DNER: variants seen among roughly 807,000 people sequenced by gnomAD.
DNER encodes the protein delta/notch like EGF repeat containing, also known as delta and Notch-like epidermal growth factor-related receptor.
A neutral mutation model predicts 78.2 loss-of-function variants in DNER; 33 were observed. That is an observed-to-expected ratio of 0.42 (90% CI 0.32 to 0.56). The LOEUF is 0.56. DNER is among the 20% of genes least tolerant of loss of function. The probability of loss-of-function intolerance (pLI) is 0.11; values close to 1 mark genes in which losing one functional copy is unlikely to be tolerated. For missense variants in DNER, 918 were observed against 975.3 expected (o/e 0.94, Z 0.78); for synonymous variants, 417 against 384.8 (o/e 1.08, Z -0.98).
Position 229,407,418 on chromosome 2 carries a change from C to T in DNER, c.1610-73G>A, listed in dbSNP as rs569475727. On this transcript the variant is annotated intron_variant, in intron 9 of 12. Coordinates refer to ENST00000341772, the MANE Select transcript of DNER (RefSeq NM_139072.4). Reference sequence around the variant, plus strand: ...CTCCCATGGCCTCTGAAAGCAAAGTCGGAACTCTCTGGAACAATGCGAGGG... The same window carrying T: ...CTCCCATGGCCTCTGAAAGCAAAGTTGGAACTCTCTGGAACAATGCGAGGG... 2.4e-5 allele frequency: 33 copies of T among 1,379,826 alleles called. 1 individual carries two copies. Among genetic ancestry groups the T allele is most frequent in the South Asian group, 2.0e-4 (17 of 83,710 alleles). The allele number at this position is 1,379,826 out of a possible 1,614,324, so 85.5% of individuals were successfully genotyped here. A position where few individuals can be genotyped will look rare whatever the true frequency, so the allele number is the denominator to read the frequency against.
chr2:229,570,818 G>A (rs1027959430), intron 4 of DNER, among the ~76,000 whole-genome samples: 2 of 152,102 alleles, frequency 1.3e-5, no homozygotes, highest in African/African-American at 4.8e-5. Context: ...GGCGTGGCCA[G>A]TGCAAAAGCC....
At chr2:229,672,591 G>A (rs1699228654) in intron 1 of DNER, among the ~76,000 whole-genome samples, 1 of 151,240 alleles carries the variant, frequency 6.6e-6, no homozygotes, top group Admixed American at 6.6e-5. Context: ...AGGAGAGAGA[G>A]AGGAAAAAGG....
At chr2:229,572,351 C>T (rs1048355899) in intron 4 of DNER, among the ~76,000 whole-genome samples, 3 of 152,168 alleles carry the variant, frequency 2.0e-5, no homozygotes, top group Admixed American at 6.5e-5. Flanking sequence ...CTTGATCTTC[C>T]GATTAATCTC....
rs574528618 is a variant in DNER at position 229,450,939 on chromosome 2, C to T, written c.1262-3399G>A. On this transcript the variant is annotated intron_variant, in intron 7 of 12. Transcript: ENST00000341772. ...TAGGGAGCATAAGGAGACAGGGAAGCGATAATTAGGATCTTGTGTTTGATT... is the reference window on the plus strand; with the variant it reads ...TAGGGAGCATAAGGAGACAGGGAAGTGATAATTAGGATCTTGTGTTTGATT... 4.6e-5 allele frequency among the ~76,000 whole-genome samples: 7 copies of T among 152,290 alleles called. No homozygotes were observed. The South Asian group carries it at 1.0e-3, about 23-fold the overall frequency.
Position 229,514,744 on chromosome 2 carries a change from T to C in DNER, c.994-1808A>G, listed in dbSNP as rs369244987. On this transcript the variant is annotated intron_variant, in intron 5 of 12. Coordinates refer to ENST00000341772, the MANE Select transcript of DNER (RefSeq NM_139072.4). ...AAAAAGCTGTCCCTTGCACATGAGA[T>C]CATGTTTTACACTGCATAGGAGGAT... 7.9e-5 allele frequency among the ~76,000 whole-genome samples: 12 copies of C among 152,320 alleles called. No individual in the cohort carries two copies. The East Asian group carries it at 1.7e-3, about 22-fold the overall frequency.
intron 5 of DNER, among the ~76,000 whole-genome samples, chr2:229,513,944 T>C (rs1426947236): frequency 6.6e-6 from 1 of 150,890 alleles, no homozygotes; most frequent in Non-Finnish European, 1.5e-5. Flanking sequence ...GACTCTCTCC[T>C]CTTCTCCAAG....
At chr2:229,692,680 T>C (rs1699598970) in intron 1 of DNER, among the ~76,000 whole-genome samples, 2 of 152,226 alleles carry the variant, frequency 1.3e-5, no homozygotes, top group Non-Finnish European at 2.9e-5. Flanking sequence ...CTTAAAACAA[T>C]GGCCTGCACA....
chr2:229,480,737 C>T (rs992868266), intron 6 of DNER, among the ~76,000 whole-genome samples: 1 of 152,212 alleles, frequency 6.6e-6, no homozygotes, highest in African/African-American at 2.4e-5. Context: ...AGTTGTCACA[C>T]TGAAAATGCC....
chr2:229,637,641 TC>T (rs1698551288), intron 1 of DNER, among the ~76,000 whole-genome samples: 1 of 152,234 alleles, frequency 6.6e-6, no homozygotes, highest in Non-Finnish European at 1.5e-5. Context: ...AACTCTGCAT[TC>T]AGAGACATCA....
chr2:229,538,444 A>T (rs539899718), intron 5 of DNER, among the ~76,000 whole-genome samples: 1 of 152,010 alleles, frequency 6.6e-6, no homozygotes, highest in Non-Finnish European at 1.5e-5. Flanking sequence ...GGCTCACCAA[A>T]CCCTCCGCCT....
chr2:229,537,041 C>T (rs1408365393), intron 5 of DNER, among the ~76,000 whole-genome samples: 1 of 152,128 alleles, frequency 6.6e-6, no homozygotes, highest in Non-Finnish European at 1.5e-5. Flanking sequence ...GAGACCCCTG[C>T]CTTTAGTGCG....
At chr2:229,577,058 G>A (rs528704391) in intron 4 of DNER, among the ~76,000 whole-genome samples, 101 of 152,334 alleles carry the variant, frequency 6.6e-4, no homozygotes, top group Admixed American at 6.5e-3. Flanking sequence ...AGCTGGGACT[G>A]TGGGCAGTGG....
At chr2:229,549,295 TA>T (rs1696685130) in intron 4 of DNER, among the ~76,000 whole-genome samples, 2 of 152,172 alleles carry the variant, frequency 1.3e-5, no homozygotes, top group African/African-American at 4.8e-5. Flanking sequence ...AAAAAAATTA[TA>T]TTCATTTCCA....
intron 1 of DNER, among the ~76,000 whole-genome samples, chr2:229,657,019 A>G (rs1698924618): frequency 1.5e-5 from 1 of 66,422 alleles, no homozygotes; most frequent in Admixed American, 1.6e-4. Context: ...TGTGGTGAGA[A>G]CATGCCAAGA....
chr2:229,357,949 G>A lies in DNER; in HGVS notation c.*591C>T, dbSNP rs1389029488. On this transcript the variant is annotated 3_prime_UTR_variant, in exon 13 of 13. Transcript: ENST00000341772. ...TGAGGCCTAGTTCGACGACTGTTAC[G>A]AAAATGACAAAAACAAACTCGAAAG... 1.3e-5 allele frequency: 2 copies of A among 152,628 alleles called. No homozygotes were observed. Among genetic ancestry groups the A allele is most frequent in the Non-Finnish European group, 2.9e-5 (2 of 68,006 alleles). 9.5% of individuals were successfully genotyped at this position (152,628 alleles called of 1,614,324 possible).
chr2:229,597,284 T>C (rs1315854874), intron 1 of DNER, among the ~76,000 whole-genome samples: 2 of 152,256 alleles, frequency 1.3e-5, no homozygotes, highest in African/African-American at 4.8e-5. Flanking sequence ...AGACTAGTTT[T>C]ATTTTTTGGG....
intron 6 of DNER, among the ~76,000 whole-genome samples, chr2:229,493,246 T>A (rs1390835100): frequency 6.6e-6 from 1 of 152,226 alleles, no homozygotes; most frequent in Non-Finnish European, 1.5e-5. Context: ...AGGAACAATG[T>A]AGTGCTTTGA....
chr2:229,358,679 T>G, intron 12 of DNER, 28 bp from the exon 13 acceptor site: 3 of 1,588,614 alleles, frequency 1.9e-6, no homozygotes, highest in Non-Finnish European at 2.6e-6. Flanking sequence ...GGACTCTGGT[T>G]AGATAAATAC....
Position 229,591,105 on chromosome 2 carries a change from C to G in DNER, c.585+475G>C, listed in dbSNP as rs1697598688. On this transcript the variant is annotated intron_variant, in intron 2 of 12. Coordinates refer to ENST00000341772, the MANE Select transcript of DNER (RefSeq NM_139072.4). This position sits in a 1 kb window ranked among gnomAD's most constrained non-coding sequence, Gnocchi z 4.6. ...GCCTGAAGAACAATGAGCCAATAAA[C>G]TTCTTTTCTCTATAAATTGCCCAGC... Among the ~76,000 whole-genome samples the G allele has an allele frequency of 6.6e-6, 1 of 152,218 alleles. No individual in the cohort carries two copies. The highest frequency in any genetic ancestry group is 1.5e-5 in the Non-Finnish European group (1 of 68,046).
Sources: gnomAD v4.1 joint callset for allele counts (sites outside exome capture counted in the v4.1 genomes callset) on GRCh38, gnomAD v4.1.1 for gene constraint, Gnocchi (gnomAD v3.1) non-coding constraint, MANE v1.5 for transcripts, NCBI Gene and HGNC (gene_info 2026-07-23, HGNC 2026-07-21) for gene names.